Variants in CBLN2 observed in about 807,000 individuals in gnomAD.
The protein encoded by CBLN2 is cerebellin 2 precursor, also known as cerebellin-2.
A neutral mutation model predicts 15.0 loss-of-function variants in CBLN2; 7 were observed. The ratio of observed to expected loss-of-function variants is 0.47; its 90% CI spans 0.27 to 0.88. CBLN2 has a LOEUF of 0.88. Among genes scored for constraint, CBLN2 ranks in the 40% least tolerant of loss-of-function variants. The pLI, the probability that CBLN2 is intolerant of heterozygous loss-of-function variation, is 0.14. For missense variants in CBLN2, 242 were observed against 304.5 expected (o/e 0.79, Z 1.53); for synonymous variants, 149 against 135.2 (o/e 1.10, Z -0.71).
At chr18:72,549,020 T>A (rs1158466553), upstream of CBLN2, among the ~76,000 whole-genome samples, 2 of 152,066 alleles carry the variant, frequency 1.3e-5, no homozygotes, top group Non-Finnish European at 2.9e-5. Flanking sequence ...TTTATTTATT[T>A]TTTATTTTTT....
At chr18:72,558,792 C>T (rs1051478601) in intron 1 of CBLN2, among the ~76,000 whole-genome samples, 2 of 152,200 alleles carry the variant, frequency 1.3e-5, no homozygotes, top group African/African-American at 4.8e-5. Flanking sequence ...TGGTGCCTCA[C>T]TCCTGTAATC....
intron 1 of CBLN2, among the ~76,000 whole-genome samples, chr18:72,565,297 A>G (rs2069287280): frequency 6.6e-6 from 1 of 152,164 alleles, no homozygotes; most frequent in Non-Finnish European, 1.5e-5. Flanking sequence ...TAGTACTACC[A>G]TTACAGTATT....
At chr18:72,606,851 G>A (rs1334157202) in intron 1 of CBLN2, among the ~76,000 whole-genome samples, 4 of 152,208 alleles carry the variant, frequency 2.6e-5, no homozygotes, top group East Asian at 1.9e-4. Context: ...CAAGAGTGGG[G>A]AGGAAGAAAT....
chr18:72,547,913 T>C (rs1270927534), upstream of CBLN2, among the ~76,000 whole-genome samples: 2 of 152,254 alleles, frequency 1.3e-5, no homozygotes, highest in African/African-American at 4.8e-5. Context: ...AAATATGTTT[T>C]CTTTTCAAAT....
chr18:72,568,471 C>T (rs2069310782), intron 1 of CBLN2, among the ~76,000 whole-genome samples: 1 of 151,464 alleles, frequency 6.6e-6, no homozygotes, highest in South Asian at 2.1e-4. Flanking sequence ...ATGGAGTCAG[C>T]CAGCAAAAAT....
intron 1 of CBLN2, among the ~76,000 whole-genome samples, chr18:72,620,876 T>G (rs955165497): frequency 6.6e-6 from 1 of 152,200 alleles, no homozygotes; most frequent in Non-Finnish European, 1.5e-5. Context: ...GCCCCAGTCA[T>G]AAACGTGTTT....
intron 1 of CBLN2, among the ~76,000 whole-genome samples, chr18:72,632,723 C>T (rs918422882): frequency 6.6e-6 from 1 of 152,158 alleles, no homozygotes; most frequent in African/African-American, 2.4e-5. Flanking sequence ...CCTCTAGGCA[C>T]TATTATTTAT....
At chr18:72,558,104 A>T (rs2069237878) in intron 1 of CBLN2, among the ~76,000 whole-genome samples, 1 of 152,148 alleles carries the variant, frequency 6.6e-6, no homozygotes, top group African/African-American at 2.4e-5. Flanking sequence ...TGAATGTAGG[A>T]TGTAAACAAC....
At chr18:72,562,666 ATATT>A (rs1181925825) in intron 1 of CBLN2, among the ~76,000 whole-genome samples, 1 of 152,214 alleles carries the variant, frequency 6.6e-6, no homozygotes, top group Non-Finnish European at 1.5e-5. Flanking sequence ...TGCTGAATGC[ATATT>A]TAGAGTCTTT....
At chr18:72,631,418 A>G (rs992497661) in intron 1 of CBLN2, among the ~76,000 whole-genome samples, 1 of 144,806 alleles carries the variant, frequency 6.9e-6, no homozygotes, top group Non-Finnish European at 1.5e-5. Context: ...TTAAATGGAA[A>G]AGGCTAGTGT....
intron 1 of CBLN2, among the ~76,000 whole-genome samples, chr18:72,601,111 G>A (rs542492310): frequency 3.8e-4 from 58 of 152,064 alleles, no homozygotes; most frequent in African/African-American, 7.0e-4. Context: ...CTCATAATCC[G>A]AACCTTGTGG....
chr18:72,630,545 C>T (rs901516507), intron 1 of CBLN2, among the ~76,000 whole-genome samples: 3 of 116,792 alleles, frequency 2.6e-5, no homozygotes, highest in African/African-American at 7.6e-5. Context: ...CAACCCTCCC[C>T]CCCACACACA....
intron 1 of CBLN2, among the ~76,000 whole-genome samples, chr18:72,564,755 C>A (rs2069283300): frequency 6.6e-6 from 1 of 152,116 alleles, no homozygotes; most frequent in African/African-American, 2.4e-5. Flanking sequence ...TAGCTAAAAA[C>A]TTCCCAAGTT....
intron 1 of CBLN2, among the ~76,000 whole-genome samples, chr18:72,578,949 C>T (rs1482381593): frequency 3.3e-5 from 5 of 152,206 alleles, no homozygotes; most frequent in African/African-American, 7.2e-5. Flanking sequence ...CTATCCATGT[C>T]GCTCTCTGTG....
At chr18:72,552,959 T>G (rs567188303) in intron 1 of CBLN2, among the ~76,000 whole-genome samples, 57 of 152,346 alleles carry the variant, frequency 3.7e-4, no homozygotes, top group African/African-American at 1.2e-3. Flanking sequence ...TATTCAATCC[T>G]ATGTGTCTCT....
chr18:72,596,809 A>G (rs562427093), intron 1 of CBLN2, among the ~76,000 whole-genome samples: 10 of 152,192 alleles, frequency 6.6e-5, no homozygotes, highest in African/African-American at 2.4e-4. Context: ...TCCATTGAAT[A>G]TTATTTGTTT....
intron 1 of CBLN2, among the ~76,000 whole-genome samples, chr18:72,610,310 C>A (rs1318078675): frequency 6.6e-6 from 1 of 152,078 alleles, no homozygotes; most frequent in Non-Finnish European, 1.5e-5. Context: ...GGGTACCTAC[C>A]ACTGGGAAAA....
intron 1 of CBLN2, among the ~76,000 whole-genome samples, chr18:72,569,706 A>T (rs916688641): frequency 6.6e-6 from 1 of 152,042 alleles, no homozygotes; most frequent in Non-Finnish European, 1.5e-5. Flanking sequence ...CACTCCTTTA[A>T]ATGGCCAGAT....
chr18:72,550,583 G>C (rs2069185851), intron 1 of CBLN2, among the ~76,000 whole-genome samples: 1 of 152,150 alleles, frequency 6.6e-6, no homozygotes, highest in Admixed American at 6.5e-5. Context: ...AAATTTCCTA[G>C]ACGTTGAAGC....
Sources: allele counts gnomAD v4.1 joint callset (sites outside exome capture counted in the v4.1 genomes callset), GRCh38; gene constraint gnomAD v4.1.1; transcripts MANE v1.5; gene names NCBI Gene and HGNC (gene_info 2026-07-23, HGNC 2026-07-21).